The following GLT8D2 variants were observed in gnomAD, a reference collection of about 807,000 sequenced individuals.
GLT8D2 encodes glycosyltransferase 8 domain containing 2, also known as glycosyltransferase 8 domain-containing protein 2.
GLT8D2 carries 45 observed loss-of-function variants against 44.5 expected under a neutral mutation model. The ratio of observed to expected loss-of-function variants is 1.01; its 90% confidence interval spans 0.80 to 1.30. GLT8D2 has a LOEUF of 1.30. Ranked by LOEUF, GLT8D2 falls within the 50% of genes most tolerant of loss-of-function variation. The probability of loss-of-function intolerance (pLI) is 0.00; values close to 1 mark genes in which losing one functional copy is unlikely to be tolerated. For missense variants in GLT8D2, 400 were observed against 430.4 expected, an observed-to-expected ratio of 0.93 and a Z score of 0.62; for synonymous variants, 156 against 157.2, an observed-to-expected ratio of 0.99 and a Z score of 0.06.
At chr12:104,052,231 T>G (rs918708640), upstream of GLT8D2, among the ~76,000 whole-genome samples, 14 of 152,146 alleles carry the variant, frequency 9.2e-5, no homozygotes, top group African/African-American at 3.4e-4. Context: ...TTCTAAAGGA[T>G]TTAGTAGGGG....
intron 1 of GLT8D2, among the ~76,000 whole-genome samples, chr12:104,048,269 A>C (rs895482477): frequency 2.0e-5 from 3 of 152,234 alleles, no homozygotes; most frequent in Non-Finnish European, 4.4e-5. Flanking sequence ...GTTAACCTAC[A>C]TTATGTGATA....
chr12:104,036,575 G>T (rs997016920), intron 1 of GLT8D2, among the ~76,000 whole-genome samples: 2 of 152,068 alleles, frequency 1.3e-5, no homozygotes, highest in Admixed American at 1.3e-4. Context: ...AGGCCATTAC[G>T]TCATGGTAAA....
chr12:103,996,425 G>A (rs1013672725), intron 8 of GLT8D2, among the ~76,000 whole-genome samples: 9 of 152,152 alleles, frequency 5.9e-5, no homozygotes, highest in African/African-American at 2.2e-4. Context: ...TTTCATGCTG[G>A]ACACTTGGAC....
At chr12:104,005,104 C>G (rs2136306741) in intron 4 of GLT8D2, among the ~76,000 whole-genome samples, 1 of 152,302 alleles carries the variant, frequency 6.6e-6, no homozygotes, top group East Asian at 1.9e-4. Flanking sequence ...TGATCTTTGA[C>G]AAACCTGACA....
At chr12:104,038,621 A>C (rs549610794) in intron 1 of GLT8D2, among the ~76,000 whole-genome samples, 8 of 152,072 alleles carry the variant, frequency 5.3e-5, no homozygotes, top group African/African-American at 1.9e-4. Context: ...GAGAACTACA[A>C]ACCACTGCTC....
chr12:104,016,770 A>AGGAAG (rs1473852690), intron 3 of GLT8D2, among the ~76,000 whole-genome samples: 1 of 67,862 alleles, frequency 1.5e-5, no homozygotes, highest in Non-Finnish European at 2.9e-5. Context: ...AAAGAAAGAA[A>AGGAAG]GAAAGAAGGA....
rs140492364 is a variant in GLT8D2, at chr12:104,028,232, C to T, written c.-163-6741G>A. Among the ~76,000 whole-genome samples, 498 of 152,184 alleles carry T rather than the reference C, an allele frequency of 3.3e-3. 4 individuals are homozygous for T. The highest frequency in any genetic ancestry group is 5.3e-3 in the Non-Finnish European group (359 of 68,000). The stretch of plus-strand genomic sequence containing the variant: ...TTAAGCCATATGGCAGGAGTGGTGT[C>T]CTTGAGAAGCATGCAGTTTCAACAG... On this transcript the variant is annotated intron_variant, in intron 1 of 10. Transcript: ENST00000360814.
At chr12:104,030,938 A>T (rs375136489) in intron 1 of GLT8D2, 4 of 1,469,938 alleles carry the variant, frequency 2.7e-6, no homozygotes, top group South Asian at 1.2e-5. Flanking sequence ...TGAGTTTGAC[A>T]TCTGCTTCAC....
chr12:104,044,901 C>T (rs969678295), intron 1 of GLT8D2, among the ~76,000 whole-genome samples: 1 of 152,188 alleles, frequency 6.6e-6, no homozygotes, highest in Non-Finnish European at 1.5e-5. Context: ...CCACCAGTTG[C>T]TAACATGTTG....
chr12:104,043,347 G>T (rs1048698025), intron 1 of GLT8D2, among the ~76,000 whole-genome samples: 6 of 152,152 alleles, frequency 3.9e-5, no homozygotes, highest in Non-Finnish European at 8.8e-5. Flanking sequence ...CCAGACTCCA[G>T]ATGCCATTTG....
intron 1 of GLT8D2, among the ~76,000 whole-genome samples, chr12:104,045,941 G>GAA (rs1376454255): frequency 7.7e-4 from 90 of 117,228 alleles, no homozygotes; most frequent in South Asian, 2.2e-3. Context: ...GAAAGAAAAA[G>GAA]AAAGAAAGAA....
intron 7 of GLT8D2, among the ~76,000 whole-genome samples, chr12:103,997,218 G>T (rs1191205604): frequency 2.0e-5 from 3 of 152,312 alleles, no homozygotes; most frequent in East Asian, 1.9e-4. Context: ...GGAAAGGAAA[G>T]GCTACCAAGC....
At chr12:104,021,963 G>GA (rs1877856030) in intron 1 of GLT8D2, among the ~76,000 whole-genome samples, 2 of 17,278 alleles carry the variant, frequency 1.2e-4, no homozygotes, top group Admixed American at 7.5e-4. Flanking sequence ...AGAGGAAGAA[G>GA]AGGAAGAGGA....
intron 3 of GLT8D2, among the ~76,000 whole-genome samples, chr12:104,015,437 A>ACAT (rs1373206430): frequency 1.1e-4 from 9 of 80,924 alleles, no homozygotes; most frequent in African/African-American, 3.2e-4. Flanking sequence ...CACACACACA[A>ACAT]ATTAGCTGGG....
chr12:104,055,619 A>G (rs1882117975), intron 1 of GLT8D2, among the ~76,000 whole-genome samples: 1 of 152,240 alleles, frequency 6.6e-6, no homozygotes, highest in African/African-American at 2.4e-5. Context: ...TCAACAAAAC[A>G]TGTATCTTAG....
rs894581512 is a variant in GLT8D2, at chr12:104,031,546, G to T, written c.-163-10055C>A. 4.3e-6 allele frequency: 7 copies of T among 1,610,486 alleles called. No homozygotes were observed. The African/African-American group carries it at 9.4e-5, about 22-fold the overall frequency. ...CCCAGGGCAAGGCCAAGAAGTGAAG[G>T]CCGGCGGGGAAGATACTGTCCCCAG... On this transcript the variant is annotated intron_variant, in intron 1 of 10. Coordinates refer to ENST00000360814, the MANE Select transcript of GLT8D2 (RefSeq NM_001384711.1).
At chr12:103,998,424 T>A (rs1010641233) in intron 6 of GLT8D2, among the ~76,000 whole-genome samples, 1 of 151,904 alleles carries the variant, frequency 6.6e-6, no homozygotes, top group African/African-American at 2.4e-5. Context: ...AAATTTTTTT[T>A]TTTGAGACGG....
rs199878047 is a variant in GLT8D2, at chr12:103,996,780, G to A, written c.555C>T (p.Cys185=). The A allele has an allele frequency of 1.5e-5, 24 of 1,614,100 alleles. No homozygotes were observed. In the East Asian group the frequency reaches 3.1e-4, roughly 21 times the overall value. ...LGHAAAFSDD[C]DLPSAQDINR... is the part of the protein sequence containing the mutation. ...TTATGTCCTGAGCAGAGGGCAAATC[G>A]CAGTCATCTGAGAAAGCCGCCGCGT... The change falls in exon 8 of 11, where the codon TGC becomes TGT. Residue 185 remains cysteine, a synonymous_variant. Coordinates refer to ENST00000360814, the MANE Select transcript of GLT8D2 (RefSeq NM_001384711.1).
chr12:104,062,852 G>C (rs1163036237), intron 1 of GLT8D2, among the ~76,000 whole-genome samples: 1 of 152,058 alleles, frequency 6.6e-6, no homozygotes, highest in Non-Finnish European at 1.5e-5. Flanking sequence ...ATATCATATA[G>C]ACCAGGGGTC....
Sources: gnomAD v4.1 joint callset for allele counts (sites outside exome capture counted in the v4.1 genomes callset) on GRCh38, gnomAD v4.1.1 for gene constraint, MANE v1.5 for transcripts, NCBI Gene and HGNC (gene_info 2026-07-23, HGNC 2026-07-21) for gene names.